Variants in RBFOX3 observed in about 807,000 individuals in gnomAD.
The protein encoded by RBFOX3 is RNA binding protein fox-1 homolog 3.
In RBFOX3, 17 loss-of-function variants were observed where a neutral mutation model predicts 48.7. That is an observed-to-expected ratio of 0.35 (90% CI 0.24 to 0.52). The LOEUF is 0.52. Ranked by LOEUF, RBFOX3 falls within the 20% of genes least tolerant of loss-of-function variation. The pLI, the probability that RBFOX3 is intolerant of heterozygous loss-of-function variation, is 0.94. For missense variants in RBFOX3, 382 were observed against 497.5 expected (o/e 0.77, Z 2.21); for synonymous variants, 212 against 209.5 (o/e 1.01, Z -0.10).
In RBFOX3 at chr17:79,249,770, G is replaced by GT. The variant is rs776045286; in HGVS notation, c.-73-13966dup. 1.5e-4 allele frequency among the ~76,000 whole-genome samples: 23 copies of GT among 151,980 alleles called. No homozygotes were observed. The highest frequency in any genetic ancestry group is 2.9e-4 in the Non-Finnish European group (20 of 68,002). ...TCCCTCTGCCTCCCGACCAAACCTG[G>GT]TACCTCCCTGTGTGTCCCTGATGCC... On this transcript the variant is annotated intron_variant, in intron 3 of 14. Transcript: ENST00000693108. This position sits in a 1 kb window ranked among gnomAD's most constrained non-coding sequence, Gnocchi z 4.1.
At chr17:79,568,724 G>A (rs923407876) in intron 1 of RBFOX3, among the ~76,000 whole-genome samples, 3,807 of 152,184 alleles carry the variant, frequency 0.025, 149 homozygotes, top group African/African-American at 0.087. Flanking sequence ...GGTGAAAAAA[G>A]GCTAATTTCC....
At chr17:79,584,955 C>T (rs894575044) in intron 1 of RBFOX3, among the ~76,000 whole-genome samples, 5,781 of 151,870 alleles carry the variant, frequency 0.038, 362 homozygotes, top group African/African-American at 0.13. Context: ...TTAGTAGAGA[C>T]GGGATTTCAC....
In RBFOX3 at chr17:79,479,219, C is replaced by T. The variant is rs1395182312; in HGVS notation, c.-175+3235G>A. 6.6e-6 allele frequency among the ~76,000 whole-genome samples: 1 copy of T among 152,238 alleles called. No individual in the cohort carries two copies. Among genetic ancestry groups the T allele is most frequent in the African/African-American group, 2.4e-5 (1 of 41,470 alleles). On this transcript the variant is annotated intron_variant, in intron 2 of 14. Coordinates refer to ENST00000693108, the MANE Select transcript of RBFOX3 (RefSeq NM_001350451.2). This position sits in a 1 kb window ranked among gnomAD's most constrained non-coding sequence, Gnocchi z 5.1. The stretch of plus-strand genomic sequence containing the variant: ...CATCCACATGCCAGAGCTCTGGTAG[C>T]CCAAGGGGTGGTTTTGGCGGCCCCT...
At chr17:79,582,348 G>A (rs1219895579) in intron 1 of RBFOX3, among the ~76,000 whole-genome samples, 1 of 152,188 alleles carries the variant, frequency 6.6e-6, no homozygotes, top group African/African-American at 2.4e-5. Flanking sequence ...ACATGTATGT[G>A]TGTGTGTGCA....
intron 3 of RBFOX3, among the ~76,000 whole-genome samples, chr17:79,251,977 G>T (rs1367158890): frequency 6.6e-6 from 1 of 152,160 alleles, no homozygotes; most frequent in Non-Finnish European, 1.5e-5. Context: ...CTACCCAGCA[G>T]CCTCTTACTC....
intron 4 of RBFOX3, among the ~76,000 whole-genome samples, chr17:79,116,370 C>T (rs1016889334): frequency 5.9e-5 from 9 of 152,174 alleles, no homozygotes; most frequent in Admixed American, 2.6e-4. Context: ...CAAAAATTAG[C>T]GGGATGTGGT....
chr17:79,164,088 C>T (rs375239674), intron 4 of RBFOX3, among the ~76,000 whole-genome samples: 1 of 152,098 alleles, frequency 6.6e-6, no homozygotes, highest in Non-Finnish European at 1.5e-5. Context: ...TACCAGGGTT[C>T]GGAAAAGGGT....
In RBFOX3 at chr17:79,473,029, T is replaced by C. The variant is rs995482380; in HGVS notation, c.-175+9425A>G. On this transcript the variant is annotated intron_variant, in intron 2 of 14. Coordinates refer to ENST00000693108, the MANE Select transcript of RBFOX3 (RefSeq NM_001350451.2). The surrounding 1 kb of genome is among the most constrained non-coding windows in gnomAD (Gnocchi z 4.2). ...AGTTGAAGTGACAAGCCCTTACTTT[T>C]GGTTTTTAGAAAACCTATAAAAATA... Among the ~76,000 whole-genome samples the C allele has an allele frequency of 1.3e-5, 2 of 152,200 alleles. No homozygotes were observed.
intron 4 of RBFOX3, among the ~76,000 whole-genome samples, chr17:79,174,507 GCA>G (rs2050101909): frequency 6.7e-6 from 1 of 149,602 alleles, no homozygotes; most frequent in African/African-American, 2.5e-5. Flanking sequence ...TGTCCACAAT[GCA>G]CTCTCACCGA....
intron 1 of RBFOX3, among the ~76,000 whole-genome samples, chr17:79,556,376 T>A (rs2091760649): frequency 6.6e-6 from 1 of 151,516 alleles, no homozygotes; most frequent in Non-Finnish European, 1.5e-5. Context: ...GGAGGAGGAG[T>A]GCCCGTGTGG....
chr17:79,197,934 G>C (rs1304159111), intron 4 of RBFOX3, among the ~76,000 whole-genome samples: 1 of 152,194 alleles, frequency 6.6e-6, no homozygotes, highest in East Asian at 1.9e-4. Flanking sequence ...TCCGGGCATG[G>C]AAGGGGGTCT....
At chr17:79,491,291 T>C (rs1278775929) in intron 1 of RBFOX3, among the ~76,000 whole-genome samples, 1 of 151,484 alleles carries the variant, frequency 6.6e-6, no homozygotes, top group African/African-American at 2.4e-5. Context: ...TAGCAGGAGA[T>C]GAGACCAGAC....
At chr17:79,174,182 C>T (rs8068113) in intron 4 of RBFOX3, among the ~76,000 whole-genome samples, 24,423 of 152,060 alleles carry the variant, frequency 0.16, 2,985 homozygotes, top group African/African-American at 0.34. Flanking sequence ...TTTCCTGGGG[C>T]AGGGACGAAG....
intron 1 of RBFOX3, among the ~76,000 whole-genome samples, chr17:79,491,222 G>A (rs528828570): frequency 7.0e-6 from 1 of 143,218 alleles, no homozygotes; most frequent in Non-Finnish European, 1.5e-5. Flanking sequence ...TTGGACAGAA[G>A]GGGTAGGGGA....
chr17:79,453,666 G>GGT (rs1240450442), intron 2 of RBFOX3, among the ~76,000 whole-genome samples: 1 of 152,144 alleles, frequency 6.6e-6, no homozygotes, highest in Non-Finnish European at 1.5e-5. Flanking sequence ...AGGCACATGG[G>GGT]GTGTGTGTGT....
intron 4 of RBFOX3, among the ~76,000 whole-genome samples, chr17:79,184,576 A>C (rs2053010835): frequency 6.6e-6 from 1 of 152,256 alleles, no homozygotes; most frequent in Non-Finnish European, 1.5e-5. Flanking sequence ...GATAAGCCAC[A>C]GGTGAGCTTG....
chr17:79,558,378 T>A (rs1393778235), intron 1 of RBFOX3, among the ~76,000 whole-genome samples: 1 of 152,186 alleles, frequency 6.6e-6, no homozygotes, highest in Admixed American at 6.5e-5. Flanking sequence ...GTCTGGTGAC[T>A]GGCAGACAGC....
chr17:79,514,036 A>T (rs922637353), intron 1 of RBFOX3, among the ~76,000 whole-genome samples: 1 of 152,140 alleles, frequency 6.6e-6, no homozygotes, highest in Non-Finnish European at 1.5e-5. Flanking sequence ...CAGGCACGTG[A>T]CCTCAGCCAG....
At chr17:79,608,092 A>G (rs1005870844) in intron 1 of RBFOX3, among the ~76,000 whole-genome samples, 1 of 152,172 alleles carries the variant, frequency 6.6e-6, no homozygotes, top group African/African-American at 2.4e-5. Context: ...GGACCGTGTC[A>G]GAGGAGGGAG....
Sources: gnomAD v4.1 joint callset for allele counts (sites outside exome capture counted in the v4.1 genomes callset) on GRCh38, gnomAD v4.1.1 for gene constraint, Gnocchi (gnomAD v3.1) non-coding constraint, MANE v1.5 for transcripts, NCBI Gene and HGNC (gene_info 2026-07-23, HGNC 2026-07-21) for gene names.